Variants in HECW1 observed in about 807,000 individuals in gnomAD.
The protein encoded by HECW1 is E3 ubiquitin-protein ligase HECW1.
HECW1 carries 61 observed loss-of-function variants against 182.3 expected under a neutral mutation model. The ratio of observed to expected loss-of-function variants is 0.33; its 90% CI spans 0.27 to 0.41. The LOEUF (loss-of-function observed/expected upper bound fraction) is 0.41. Among genes scored for constraint, HECW1 ranks in the 10% least tolerant of loss-of-function variants. The pLI is 1.00. For synonymous variants in HECW1, 859 were observed against 832.6 expected, an observed-to-expected ratio of 1.03 and a Z score of -0.55; for missense variants, 1,739 against 2,108.9, an observed-to-expected ratio of 0.82 and a Z score of 3.44.
rs1395556400 is a variant in HECW1 at position 43,501,285 on chromosome 7, C to G, written c.3594C>G (p.Pro1198=). 3 of 1,610,726 alleles carry G rather than the reference C, an allele frequency of 1.9e-6. No homozygotes were observed. The highest frequency in any genetic ancestry group is 2.5e-6 in the Non-Finnish European group (3 of 1,177,758). Residue 1198 remains proline (P), a synonymous_variant, in exon 21 of 30, where the codon CCC becomes CCG. Transcript: ENST00000395891. The part of the protein sequence containing the change: ...AAFHPGYSFS[P]RCSPCSSPQN... ...TCCACCCTGGGTATAGCTTCTCTCC[C>G]CGATGTTCACCCTGTTCTTCACCTC...
At chr7:43,188,886 A>G (rs1793648543) in intron 2 of HECW1, among the ~76,000 whole-genome samples, 1 of 152,206 alleles carries the variant, frequency 6.6e-6, no homozygotes, top group African/African-American at 2.4e-5. Context: ...ACAATTCATG[A>G]AAAGTCATCG....
intron 2 of HECW1, among the ~76,000 whole-genome samples, chr7:43,231,188 A>G (rs2152709176): frequency 6.6e-6 from 1 of 152,354 alleles, no homozygotes; most frequent in Admixed American, 6.5e-5. Context: ...GCCAGAAAGT[A>G]GCAGAATGAG....
chr7:43,483,382 A>C (rs2078505388), intron 17 of HECW1, among the ~76,000 whole-genome samples: 1 of 151,994 alleles, frequency 6.6e-6, no homozygotes, highest in Non-Finnish European at 1.5e-5. Context: ...ATGACAAAAC[A>C]AAACAGAACA....
At chr7:43,353,966 A>G (rs73326124) in intron 5 of HECW1, among the ~76,000 whole-genome samples, 1,651 of 152,298 alleles carry the variant, frequency 0.011, 31 homozygotes, top group African/African-American at 0.037. Flanking sequence ...TCCCCTTGGC[A>G]TGAGCCCTTA....
At chr7:43,421,813 A>G (rs1379711930) in intron 8 of HECW1, among the ~76,000 whole-genome samples, 2 of 152,136 alleles carry the variant, frequency 1.3e-5, no homozygotes, top group Non-Finnish European at 2.9e-5. Flanking sequence ...TGGAACATAG[A>G]CTCTCCAACT....
intron 19 of HECW1, among the ~76,000 whole-genome samples, chr7:43,494,329 G>C (rs761158778): frequency 6.6e-6 from 1 of 151,928 alleles, no homozygotes; most frequent in African/African-American, 2.4e-5. Context: ...TCCCTGCCAT[G>C]GTTCAAGTTT....
chr7:43,318,451 C>T (rs1298001002), intron 4 of HECW1, among the ~76,000 whole-genome samples: 1 of 152,174 alleles, frequency 6.6e-6, no homozygotes, highest in African/African-American at 2.4e-5. Flanking sequence ...CCAAAGGATA[C>T]AAACAGTTCT....
At chr7:43,428,114 C>G in intron 8 of HECW1, among the ~76,000 whole-genome samples, 1 of 152,194 alleles carries the variant, frequency 6.6e-6, no homozygotes, top group East Asian at 1.9e-4. Flanking sequence ...AGAATTCTCT[C>G]TACCACATTT....
chr7:43,560,231 T>C (rs2082166526), intron 29 of HECW1, among the ~76,000 whole-genome samples: 1 of 152,258 alleles, frequency 6.6e-6, no homozygotes, highest in Non-Finnish European at 1.5e-5. Flanking sequence ...GTAACCATCC[T>C]ACTCAATTTA....
At chr7:43,392,204 T>C (rs2075056429) in intron 6 of HECW1, among the ~76,000 whole-genome samples, 1 of 152,250 alleles carries the variant, frequency 6.6e-6, no homozygotes, top group African/African-American at 2.4e-5. Flanking sequence ...CTCTGCCTCA[T>C]TGTCAATTTA....
intron 11 of HECW1, 22 bp downstream of exon 11, chr7:43,445,592 G>T (rs1280226072): frequency 1.0e-5 from 16 of 1,532,918 alleles, no homozygotes; most frequent in African/African-American, 1.4e-5. Context: ...AACCTGATCA[G>T]AGTGAGAATA....
At chr7:43,437,307 A>G (rs2076744107) in intron 8 of HECW1, among the ~76,000 whole-genome samples, 1 of 152,204 alleles carries the variant, frequency 6.6e-6, no homozygotes, top group South Asian at 2.1e-4. Context: ...ATCAGCCTTC[A>G]CTTAACCAGT....
At chr7:43,221,413 C>T (rs967262044) in intron 2 of HECW1, among the ~76,000 whole-genome samples, 5 of 151,996 alleles carry the variant, frequency 3.3e-5, no homozygotes, top group African/African-American at 4.8e-5. Context: ...GCCTATTTAC[C>T]TTTCCTAACC....
In HECW1 at chr7:43,541,278, C is replaced by T. The variant is rs1315539582; in HGVS notation, c.4118+17C>T. The T allele has an allele frequency of 1.3e-6, 2 of 1,587,536 alleles. No individual in the cohort carries two copies. The highest frequency in any genetic ancestry group is 8.7e-7 in the Non-Finnish European group (1 of 1,155,754). On this transcript the variant is annotated intron_variant, in intron 25 of 29. Transcript: ENST00000395891. ...CCTGAGACTGTAAGTGCTTTGCAGA[C>T]CATGCTTCCAACCCAGCCCTGTCTG...
At chr7:43,523,686 A>G (rs1048364520) in intron 24 of HECW1, among the ~76,000 whole-genome samples, 2 of 152,210 alleles carry the variant, frequency 1.3e-5, no homozygotes, top group Non-Finnish European at 2.9e-5. Context: ...ATCGAGGGAA[A>G]TAAATGGCAA....
At chr7:43,466,614 C>A (rs375121201) in intron 15 of HECW1, 46 bp downstream of exon 15, 2 of 1,591,392 alleles carry the variant, frequency 1.3e-6, no homozygotes, top group South Asian at 1.1e-5. Flanking sequence ...TCGGCAAGAC[C>A]CAAAACACAG....
intron 3 of HECW1, among the ~76,000 whole-genome samples, chr7:43,309,412 T>C (rs1808224203): frequency 6.6e-6 from 1 of 152,206 alleles, no homozygotes; most frequent in Non-Finnish European, 1.5e-5. Context: ...TAATGTTTCC[T>C]TCTCTATCTT....
At chr7:43,158,706 G>T (rs2152654069) in intron 2 of HECW1, among the ~76,000 whole-genome samples, 1 of 152,164 alleles carries the variant, frequency 6.6e-6, no homozygotes, top group South Asian at 2.1e-4. Context: ...GCTCCATCAG[G>T]CAGTCATTCC....
intron 24 of HECW1, chr7:43,511,065 A>G (rs1156256675): frequency 6.6e-6 from 1 of 152,214 alleles, no homozygotes. Flanking sequence ...TCATCACATT[A>G]AGGAAGGAAA....
Sources: allele counts gnomAD v4.1 joint callset (sites outside exome capture counted in the v4.1 genomes callset), GRCh38; gene constraint gnomAD v4.1.1; transcripts MANE v1.5; gene names NCBI Gene and HGNC (gene_info 2026-07-23, HGNC 2026-07-21).